ANKS1A: variants seen among roughly 807,000 people sequenced by gnomAD.
ANKS1A encodes ankyrin repeat and SAM domain-containing protein 1A.
In ANKS1A, 55 loss-of-function variants were observed where a neutral mutation model predicts 120.3. The ratio of observed to expected loss-of-function variants is 0.46; its 90% confidence interval spans 0.37 to 0.57. ANKS1A has a LOEUF of 0.57. Ranked by LOEUF, ANKS1A falls within the 20% of genes least tolerant of loss-of-function variation. The pLI is 0.00. For missense variants in ANKS1A, 1,123 were observed against 1,480.3 expected, an observed-to-expected ratio of 0.76 and a Z score of 3.96; for synonymous variants, 590 against 604.7, an observed-to-expected ratio of 0.98 and a Z score of 0.36.
intron 13 of ANKS1A, among the ~76,000 whole-genome samples, chr6:35,077,668 C>T (rs781371586): frequency 4.2e-4 from 64 of 152,148 alleles, no homozygotes; most frequent in African/African-American, 1.4e-3. Context: ...GAGACGTCCT[C>T]GCAGGGGCCA....
downstream of ANKS1A, among the ~76,000 whole-genome samples, chr6:35,091,568 T>G (rs2127622042): frequency 6.6e-6 from 1 of 152,170 alleles, no homozygotes; most frequent in South Asian, 2.1e-4. Context: ...TCTCGCACTC[T>G]CTAACAAACA....
At chr6:35,028,580 G>A (rs1374997929) in intron 11 of ANKS1A, among the ~76,000 whole-genome samples, 2 of 152,142 alleles carry the variant, frequency 1.3e-5, no homozygotes, top group Admixed American at 6.5e-5. Flanking sequence ...CAGATTTTCA[G>A]TTCTTCTCCC....
chr6:34,922,794 A>G (rs931777594), intron 1 of ANKS1A, among the ~76,000 whole-genome samples: 1 of 151,392 alleles, frequency 6.6e-6, no homozygotes, highest in Admixed American at 6.6e-5. Context: ...CCTGGGTTCA[A>G]GTGATTCCCC....
intron 10 of ANKS1A, among the ~76,000 whole-genome samples, chr6:35,009,315 G>C (rs1185995866): frequency 2.0e-5 from 3 of 152,208 alleles, no homozygotes; most frequent in African/African-American, 7.2e-5. Flanking sequence ...CAGGACCATG[G>C]AACAAAATGT....
chr6:34,899,557 T>C (rs879838608), intron 1 of ANKS1A, among the ~76,000 whole-genome samples: 5 of 152,236 alleles, frequency 3.3e-5, no homozygotes, highest in Non-Finnish European at 7.3e-5. Context: ...CTTGCTATGT[T>C]GCCCAGTCTG....
intron 1 of ANKS1A, among the ~76,000 whole-genome samples, chr6:34,917,345 G>A (rs1479536836): frequency 6.6e-6 from 1 of 152,184 alleles, no homozygotes; most frequent in African/African-American, 2.4e-5. Flanking sequence ...GAGAGGCAGC[G>A]TTGACTCAAG....
Position 34,921,662 on chromosome 6 carries a change from G to T in ANKS1A, c.197+32063G>T, listed in dbSNP as rs1296841817. On this transcript the variant is annotated intron_variant, in intron 1 of 23. Coordinates refer to ENST00000360359, the MANE Select transcript of ANKS1A (RefSeq NM_015245.3). ...GGTTTGTCGTTAGTCTCTCACCCAA[G>T]CTGAGGGGCACAAGGACTGCTGAGA... 3.3e-5 allele frequency among the ~76,000 whole-genome samples: 5 copies of T among 152,152 alleles called. No homozygotes were observed. The East Asian group carries it at 9.6e-4, about 29-fold the overall frequency.
intron 13 of ANKS1A, among the ~76,000 whole-genome samples, chr6:35,073,916 C>A (rs1460913275): frequency 6.6e-6 from 1 of 152,216 alleles, no homozygotes; most frequent in African/African-American, 2.4e-5. Flanking sequence ...TCCCCCGGTG[C>A]GGAGATATGG....
At chr6:35,083,591 C>T (rs553959932) in intron 20 of ANKS1A, 88 bp downstream of exon 20, 4 of 1,259,800 alleles carry the variant, frequency 3.2e-6, no homozygotes, top group Admixed American at 3.4e-5. Flanking sequence ...CCCGGCTGCC[C>T]TGTCTCATCT....
At chr6:34,900,011 G>A (rs1044569722) in intron 1 of ANKS1A, among the ~76,000 whole-genome samples, 2 of 152,326 alleles carry the variant, frequency 1.3e-5, no homozygotes, top group African/African-American at 2.4e-5. Flanking sequence ...ATTTGGGATG[G>A]GTGGGATGGT....
In ANKS1A at chr6:34,985,131, TG is replaced by T. The variant is rs761244091; in HGVS notation, c.1063del (p.Ala355LeufsTer42). ...TELIIDFDAN[A>X]EEEGPYEALY... is the part of the protein sequence containing the mutation. The stretch of plus-strand genomic sequence containing the variant: ...AACTGATTATAGATTTTGATGCAAA[TG>T]CTGAAGAAGAGGGTCCCTACGAAGC... On this transcript the variant is annotated frameshift_variant, in exon 8 of 24. Coordinates refer to ENST00000360359, the MANE Select transcript of ANKS1A (RefSeq NM_015245.3). LOFTEE classifies it high-confidence loss of function. 1 of 1,614,156 alleles carries T rather than the reference TG, an allele frequency of 6.2e-7. No homozygotes were observed. The highest frequency in any genetic ancestry group is 1.7e-5 in the Admixed American group (1 of 60,032).
chr6:34,945,289 G>A (rs1226321145), intron 1 of ANKS1A, among the ~76,000 whole-genome samples: 1 of 152,114 alleles, frequency 6.6e-6, no homozygotes, highest in Admixed American at 6.6e-5. Flanking sequence ...TGTTGCCCAG[G>A]CTGGTCTCAA....
In ANKS1A at chr6:34,994,315, G is replaced by T. The variant is rs2127538664; in HGVS notation, c.1316G>T (p.Arg439Ile). ...PLTASEVLSM[R>I]PRIHGSAARE... ...TCTCTCCCTTAGGTTCTGTCCATGA[G>T]ACCTAGGATTCATGGGAGTGCAGCC... Residue 439 changes from arginine to isoleucine, a missense_variant, in exon 10 of 24, where the codon AGA becomes ATA. This residue lies in a region of ANKS1A where 904 missense variants were observed against 1,130.4 expected (regional missense o/e 0.80). Coordinates refer to ENST00000360359, the MANE Select transcript of ANKS1A (RefSeq NM_015245.3). 1 of 1,613,416 alleles carries T rather than the reference G, an allele frequency of 6.2e-7. No homozygotes were observed. The highest frequency in any genetic ancestry group is 1.1e-5 in the South Asian group (1 of 91,042).
At chr6:35,075,962 G>A (rs888425678) in intron 13 of ANKS1A, among the ~76,000 whole-genome samples, 24 of 152,122 alleles carry the variant, frequency 1.6e-4, no homozygotes, top group African/African-American at 4.1e-4. Context: ...GTCTCACTGC[G>A]TTGCCCAAGC....
At position 34,989,204 on chromosome 6, in the gene ANKS1A, T is replaced by C. The variant is rs779670050; in HGVS notation, c.1210-20T>C. 1.9e-6 allele frequency: 3 copies of C among 1,607,802 alleles called. No homozygotes were observed. The Admixed American group carries it at 5.1e-5, about 27-fold the overall frequency. On this transcript the variant is annotated intron_variant, in intron 8 of 23. Coordinates refer to ENST00000360359, the MANE Select transcript of ANKS1A (RefSeq NM_015245.3). ...CTTAAAAAAGAGATCGCAAAATATTTATTTTTTTCTCTTCTGCAGAGGGAA... is the reference window on the plus strand; with the variant it reads ...CTTAAAAAAGAGATCGCAAAATATTCATTTTTTTCTCTTCTGCAGAGGGAA...
At chr6:34,969,580 C>T (rs1271277205) in intron 2 of ANKS1A, among the ~76,000 whole-genome samples, 5 of 152,192 alleles carry the variant, frequency 3.3e-5, no homozygotes, top group Non-Finnish European at 7.3e-5. Context: ...TCTGCTTGGC[C>T]TCTCTGCTTT....
At chr6:35,013,729 C>G (rs1317086718) in intron 10 of ANKS1A, among the ~76,000 whole-genome samples, 1 of 152,228 alleles carries the variant, frequency 6.6e-6, no homozygotes, top group Non-Finnish European at 1.5e-5. Flanking sequence ...ACCATATTAC[C>G]TTCTGTCCCT....
chr6:35,067,907 T>A (rs1776861184), intron 13 of ANKS1A, among the ~76,000 whole-genome samples: 1 of 118,004 alleles, frequency 8.5e-6, no homozygotes, highest in African/African-American at 3.5e-5. Flanking sequence ...TTTTTTTTTT[T>A]GAGACGGAGT....
At chr6:34,921,586 G>A (rs546633368) in intron 1 of ANKS1A, among the ~76,000 whole-genome samples, 2 of 152,310 alleles carry the variant, frequency 1.3e-5, no homozygotes, top group African/African-American at 4.8e-5. Context: ...TATTTCTAGT[G>A]CAATGGGCCT....
Sources: allele counts gnomAD v4.1 joint callset (sites outside exome capture counted in the v4.1 genomes callset), GRCh38; gene constraint gnomAD v4.1.1; regional missense constraint gnomAD v4.1.1; transcripts MANE v1.5; gene names NCBI Gene and HGNC (gene_info 2026-07-23, HGNC 2026-07-21).